PLXNA4: variants seen among roughly 807,000 people sequenced by gnomAD.
PLXNA4 encodes plexin-A4.
A neutral mutation model predicts 191.8 loss-of-function variants in PLXNA4; 44 were observed. That is an observed-to-expected ratio of 0.23 (90% confidence interval 0.18 to 0.29). The LOEUF (loss-of-function observed/expected upper bound fraction) is 0.29, where lower values mean the gene tolerates loss of function less well. PLXNA4 is among the 10% of genes least tolerant of loss of function. The pLI is 1.00. For missense variants in PLXNA4, 1,800 were observed against 2,488.8 expected (o/e 0.72, Z 5.89); for synonymous variants, 1,082 against 1,009.5 (o/e 1.07, Z -1.36).
In PLXNA4 at chr7:132,288,165, T is replaced by C. The variant is rs184899082; in HGVS notation, c.1503+9926A>G. 1.1e-3 allele frequency among the ~76,000 whole-genome samples: 164 copies of C among 152,338 alleles called. 1 individual carries two copies. Among genetic ancestry groups the C allele is most frequent in the African/African-American group, 3.7e-3 (155 of 41,586 alleles). On this transcript the variant is annotated intron_variant, in intron 4 of 31. Transcript: ENST00000321063. ...AAACTGCTGGTGACTCTGGATGACC[T>C]GCTCCCTCCTCTGTGCTTCAGTTTC...
chr7:132,175,707 A>C (rs1562898576), intron 20 of PLXNA4, among the ~76,000 whole-genome samples: 1 of 152,160 alleles, frequency 6.6e-6, no homozygotes, highest in Non-Finnish European at 1.5e-5. Flanking sequence ...CGTTCTGGAA[A>C]CATCCTCCCC....
intron 3 of PLXNA4, among the ~76,000 whole-genome samples, chr7:132,407,636 C>A (rs529927918): frequency 9.1e-4 from 139 of 152,248 alleles, no homozygotes; most frequent in Non-Finnish European, 1.8e-3. Flanking sequence ...TACGTCAATA[C>A]ATCTCTCCTG....
rs565119364 is a variant in PLXNA4, at chr7:132,237,588, T to A, written c.1604+3478A>T. On this transcript the variant is annotated intron_variant, in intron 5 of 31. Transcript: ENST00000321063. ...GAAGAGTTGGGCTTTACCAGACACA[T>A]TGGCACAAATTTATACCTGTGTCTG... Among the ~76,000 whole-genome samples, 35 of 152,242 alleles carry A rather than the reference T, an allele frequency of 2.3e-4. 1 individual carries two copies. The South Asian group carries it at 4.8e-3, about 21-fold the overall frequency.
intron 9 of PLXNA4, among the ~76,000 whole-genome samples, chr7:132,217,897 CTTTTTTT>C (rs138576612): frequency 1.5e-3 from 67 of 43,424 alleles, no homozygotes; most frequent in Middle Eastern, 0.023. Flanking sequence ...GCTGGATTTG[CTTTTTTT>C]TTTTTTTTTT....
intron 1 of PLXNA4, among the ~76,000 whole-genome samples, chr7:132,554,141 G>A (rs1375277331): frequency 6.6e-6 from 1 of 152,126 alleles, no homozygotes; most frequent in Admixed American, 6.5e-5. Context: ...AAAAATATCA[G>A]GACACACACT....
intron 1 of PLXNA4, among the ~76,000 whole-genome samples, chr7:132,555,056 A>ACAAAAAAAAAAAAAC (rs1554467878): frequency 4.7e-5 from 7 of 150,414 alleles, no homozygotes; most frequent in East Asian, 3.9e-4. Context: ...AAAAAAAAAA[A>ACAAAAAAAAAAAAAC]CAAAAAAAAA....
chr7:132,151,329 G>A (rs1246213596), intron 25 of PLXNA4, among the ~76,000 whole-genome samples: 36 of 45,558 alleles, frequency 7.9e-4, no homozygotes, highest in Non-Finnish European at 1.4e-3. Flanking sequence ...GGAGGAGGAA[G>A]AAGAAGGAGG....
intron 4 of PLXNA4, among the ~76,000 whole-genome samples, chr7:132,291,207 C>T (rs1028724750): frequency 2.0e-5 from 3 of 152,178 alleles, no homozygotes; most frequent in African/African-American, 7.2e-5. Context: ...ACCTGGACCA[C>T]TTCTCCCCAG....
chr7:132,600,337 T>C, intron 2 of PLXNA4, among the ~76,000 whole-genome samples: 1 of 152,242 alleles, frequency 6.6e-6, no homozygotes, highest in East Asian at 1.9e-4. Context: ...TCTTTAATAT[T>C]TTTGGTCTAA....
chr7:132,172,440 A>C (rs1023682088), intron 21 of PLXNA4, among the ~76,000 whole-genome samples: 1 of 152,058 alleles, frequency 6.6e-6, no homozygotes, highest in Admixed American at 6.6e-5. Context: ...GCAAGAGGAC[A>C]CCTCCTTCTT....
At chr7:132,486,115 C>A (rs1278793068) in intron 3 of PLXNA4, among the ~76,000 whole-genome samples, 1 of 152,134 alleles carries the variant, frequency 6.6e-6, no homozygotes, top group South Asian at 2.1e-4. Context: ...CCTTGATACA[C>A]ACAGGAGATT....
intron 3 of PLXNA4, among the ~76,000 whole-genome samples, chr7:132,323,551 A>G (rs577137996): frequency 6.2e-4 from 95 of 152,238 alleles, no homozygotes; most frequent in African/African-American, 2.2e-3. Flanking sequence ...CCTCCAAAAT[A>G]GGTCTGCTAG....
At chr7:132,357,672 G>A (rs1299086445) in intron 3 of PLXNA4, among the ~76,000 whole-genome samples, 1 of 152,178 alleles carries the variant, frequency 6.6e-6, no homozygotes, top group Non-Finnish European at 1.5e-5. Context: ...GAGGAATTAA[G>A]GTCTGTCCTC....
chr7:132,445,325 A>G (rs923058976), intron 3 of PLXNA4, among the ~76,000 whole-genome samples: 12 of 151,374 alleles, frequency 7.9e-5, no homozygotes, highest in Non-Finnish European at 1.5e-5. Flanking sequence ...GGCAACTCAC[A>G]CCCCACACCA....
At chr7:132,152,051 C>T (rs561572370) in intron 25 of PLXNA4, among the ~76,000 whole-genome samples, 19 of 152,258 alleles carry the variant, frequency 1.2e-4, no homozygotes, top group African/African-American at 3.1e-4. Context: ...AGGCTCATCA[C>T]GGAATGTCTC....
intron 3 of PLXNA4, among the ~76,000 whole-genome samples, chr7:132,482,545 A>C (rs1797379687): frequency 6.6e-6 from 1 of 152,176 alleles, no homozygotes; most frequent in South Asian, 2.1e-4. Flanking sequence ...CCATGCCCAG[A>C]TTCCAGAACC....
At chr7:132,357,350 GC>G (rs1803752549) in intron 3 of PLXNA4, among the ~76,000 whole-genome samples, 1 of 152,154 alleles carries the variant, frequency 6.6e-6, no homozygotes, top group African/African-American at 2.4e-5. Flanking sequence ...CATCCTTCTT[GC>G]CTTCCTAATC....
At chr7:132,257,147 C>A (rs1294368214) in intron 4 of PLXNA4, among the ~76,000 whole-genome samples, 2 of 152,232 alleles carry the variant, frequency 1.3e-5, no homozygotes, top group Non-Finnish European at 2.9e-5. Flanking sequence ...CATGGCGCAG[C>A]CTCCTTTCTC....
At chr7:132,319,597 C>T (rs935507482) in intron 3 of PLXNA4, among the ~76,000 whole-genome samples, 28 of 152,178 alleles carry the variant, frequency 1.8e-4, no homozygotes, top group African/African-American at 4.1e-4. Context: ...AACACATTGC[C>T]GCTGCACTCC....
Sources: allele counts gnomAD v4.1 joint callset (sites outside exome capture counted in the v4.1 genomes callset), GRCh38; gene constraint gnomAD v4.1.1; transcripts MANE v1.5; gene names NCBI Gene and HGNC (gene_info 2026-07-23, HGNC 2026-07-21).